CAMK1D: variants seen among roughly 807,000 people sequenced by gnomAD.
CAMK1D encodes calcium/calmodulin-dependent protein kinase type 1D.
A neutral mutation model predicts 47.7 loss-of-function variants in CAMK1D; 9 were observed. The observed-to-expected ratio is 0.19, with a 90% CI of 0.11 to 0.33. CAMK1D has a LOEUF of 0.33. CAMK1D is among the 10% of genes least tolerant of loss of function. The pLI is 1.00. For synonymous variants in CAMK1D, 184 were observed against 184.9 expected, an observed-to-expected ratio of 0.99 and a Z score of 0.04; for missense variants, 291 against 488.7, an observed-to-expected ratio of 0.60 and a Z score of 3.81.
At position 12,602,711 on chromosome 10, in the gene CAMK1D, G is replaced by A. The variant is rs977275477; in HGVS notation, c.224+49355G>A. On this transcript the variant is annotated intron_variant, in intron 2 of 10. Transcript: ENST00000619168. ...CACTTAGGAAATGTTTGTTTGGGGA[G>A]GACCTGCATTGTTTCAGGTCCGTAA... is the stretch of plus-strand genomic sequence containing the variant. 2.6e-5 allele frequency among the ~76,000 whole-genome samples: 4 copies of A among 151,978 alleles called. No homozygotes were observed. In the East Asian group the frequency reaches 7.7e-4, roughly 29 times the overall value.
intron 1 of CAMK1D, among the ~76,000 whole-genome samples, chr10:12,508,253 A>G (rs1834937546): frequency 6.6e-6 from 1 of 152,262 alleles, no homozygotes; most frequent in African/African-American, 2.4e-5. Context: ...AAACAACCCA[A>G]ATTTCCGTTG....
intron 1 of CAMK1D, among the ~76,000 whole-genome samples, chr10:12,393,922 T>C (rs1459625133): frequency 6.6e-6 from 1 of 152,182 alleles, no homozygotes; most frequent in East Asian, 1.9e-4. Context: ...CACCTGTGTG[T>C]CCTAGAATTC....
chr10:12,572,410 G>A (rs1837355566), intron 2 of CAMK1D, among the ~76,000 whole-genome samples: 1 of 152,140 alleles, frequency 6.6e-6, no homozygotes, highest in Admixed American at 6.5e-5. Context: ...CTAGGGGTTT[G>A]TATTTCATTT....
chr10:12,597,737 G>A (rs1385345314), intron 2 of CAMK1D, among the ~76,000 whole-genome samples: 2 of 152,140 alleles, frequency 1.3e-5, no homozygotes, highest in African/African-American at 4.8e-5. Flanking sequence ...GCCACCCATA[G>A]GGCTGTCTTC....
intron 3 of CAMK1D, among the ~76,000 whole-genome samples, chr10:12,741,747 C>G (rs917424130): frequency 6.6e-6 from 1 of 152,108 alleles, no homozygotes; most frequent in East Asian, 1.9e-4. Flanking sequence ...GGGAGGGAAG[C>G]AGGAGAGGGC....
At chr10:12,485,697 C>T (rs1270153119) in intron 1 of CAMK1D, among the ~76,000 whole-genome samples, 1 of 152,132 alleles carries the variant, frequency 6.6e-6, no homozygotes, top group Middle Eastern at 3.2e-3. Flanking sequence ...GAAATGTTAA[C>T]GTTTTCTCGA....
chr10:12,820,608 C>T (rs572528471), intron 8 of CAMK1D, among the ~76,000 whole-genome samples: 1 of 152,302 alleles, frequency 6.6e-6, no homozygotes, highest in South Asian at 2.1e-4. Context: ...TCCACACTTG[C>T]TCTTCTGACT....
chr10:12,827,178 TTC>T (rs56296515), intron 10 of CAMK1D, among the ~76,000 whole-genome samples: 103,339 of 150,574 alleles, frequency 0.69, 36,232 homozygotes, highest in East Asian at 0.84. Context: ...TCCCTCTCTC[TTC>T]TCTCTTTTCT....
chr10:12,690,103 C>G (rs537324990), intron 3 of CAMK1D, among the ~76,000 whole-genome samples: 1 of 152,294 alleles, frequency 6.6e-6, no homozygotes, highest in East Asian at 1.9e-4. Context: ...ATTTCTCTTC[C>G]ATCTCCGTGT....
intron 1 of CAMK1D, among the ~76,000 whole-genome samples, chr10:12,513,324 G>T (rs1013968835): frequency 6.6e-6 from 1 of 152,198 alleles, no homozygotes; most frequent in Non-Finnish European, 1.5e-5. Context: ...AATGAATCGT[G>T]TGGGTCTTTG....
chr10:12,726,304 G>T (rs1834632523), intron 3 of CAMK1D, among the ~76,000 whole-genome samples: 1 of 151,908 alleles, frequency 6.6e-6, no homozygotes, highest in African/African-American at 2.4e-5. Context: ...CGCACCTGTA[G>T]TCCCAGCTAC....
intron 5 of CAMK1D, among the ~76,000 whole-genome samples, chr10:12,787,367 A>C (rs80259835): frequency 6.6e-6 from 1 of 152,208 alleles, no homozygotes; most frequent in Non-Finnish European, 1.5e-5. Context: ...GATGGTGGCC[A>C]GTATGTTCCT....
chr10:12,614,366 T>C (rs934294253), intron 2 of CAMK1D, among the ~76,000 whole-genome samples: 1 of 152,266 alleles, frequency 6.6e-6, no homozygotes, highest in African/African-American at 2.4e-5. Context: ...AATAGGCAAC[T>C]GTGGATTGAC....
chr10:12,755,008 G>A (rs4072657), intron 3 of CAMK1D, among the ~76,000 whole-genome samples: 36,296 of 152,032 alleles, frequency 0.24, 4,387 homozygotes, highest in Middle Eastern at 0.32. Flanking sequence ...GAGTGTAACC[G>A]AATACAGGTG....
At chr10:12,609,287 A>G (rs1838555785) in intron 2 of CAMK1D, among the ~76,000 whole-genome samples, 2 of 151,952 alleles carry the variant, frequency 1.3e-5, no homozygotes, top group Non-Finnish European at 2.9e-5. Flanking sequence ...ATCGCTCCCC[A>G]ATCTTTTGGG....
chr10:12,646,520 T>C (rs1321096245), intron 2 of CAMK1D, among the ~76,000 whole-genome samples: 23 of 152,328 alleles, frequency 1.5e-4, no homozygotes, highest in Non-Finnish European at 1.3e-4. Flanking sequence ...TGTTCCAAGA[T>C]GTGCCACAGA....
intron 1 of CAMK1D, among the ~76,000 whole-genome samples, chr10:12,547,808 G>A (rs555256349): frequency 1.3e-5 from 2 of 152,276 alleles, no homozygotes; most frequent in South Asian, 4.1e-4. Context: ...GTCTTCAAGT[G>A]ATTTCTATTT....
In CAMK1D at chr10:12,649,109, C is replaced by T. The variant is rs192166223; in HGVS notation, c.225-17627C>T. ...TCTTGACCTCCTGGCTTCAAGCAGG[C>T]CTCTCACTTTGTCTCTCGAGTAGCT... On this transcript the variant is annotated intron_variant, in intron 2 of 10. Coordinates refer to ENST00000619168, the MANE Select transcript of CAMK1D (RefSeq NM_153498.4). Among the ~76,000 whole-genome samples the T allele has an allele frequency of 1.3e-4, 20 of 152,340 alleles. No homozygotes were observed. The East Asian group carries it at 2.5e-3, about 19-fold the overall frequency.
chr10:12,728,375 G>A (rs904644356), intron 3 of CAMK1D, among the ~76,000 whole-genome samples: 4 of 152,126 alleles, frequency 2.6e-5, no homozygotes, highest in African/African-American at 7.2e-5. Context: ...TAGTTACATC[G>A]GTACAAACAT....
Sources: gnomAD v4.1 joint callset for allele counts (sites outside exome capture counted in the v4.1 genomes callset) on GRCh38, gnomAD v4.1.1 for gene constraint, MANE v1.5 for transcripts, NCBI Gene and HGNC (gene_info 2026-07-23, HGNC 2026-07-21) for gene names.